The following GRID1 variants were observed in gnomAD, a reference collection of about 807,000 sequenced individuals.
GRID1 encodes the protein glutamate receptor ionotropic, delta-1.
A neutral mutation model predicts 98.0 loss-of-function variants in GRID1; 28 were observed. That is an observed-to-expected ratio of 0.29 (90% CI 0.21 to 0.39). The LOEUF (loss-of-function observed/expected upper bound fraction) is 0.39. Ranked by LOEUF, GRID1 falls within the 10% of genes least tolerant of loss-of-function variation. GRID1 has a pLI of 1.00. For missense variants in GRID1, 1,111 were observed against 1,340.5 expected (o/e 0.83, Z 2.67); for synonymous variants, 553 against 538.5 (o/e 1.03, Z -0.37).
intron 4 of GRID1, among the ~76,000 whole-genome samples, chr10:85,961,213 G>T (rs1842262224): frequency 6.6e-6 from 1 of 152,120 alleles, no homozygotes; most frequent in Non-Finnish European, 1.5e-5. Flanking sequence ...ACACTAAATT[G>T]CTCCCCAAAC....
chr10:85,784,470 A>G (rs961361816), intron 8 of GRID1, among the ~76,000 whole-genome samples: 1 of 152,172 alleles, frequency 6.6e-6, no homozygotes, highest in Non-Finnish European at 1.5e-5. Flanking sequence ...GTCCACCGCC[A>G]TGGCTAATGT....
intron 12 of GRID1, chr10:85,650,349 C>G (rs144693662): frequency 6.6e-6 from 1 of 152,386 alleles, no homozygotes; most frequent in African/African-American, 2.4e-5. Flanking sequence ...GTCTCTTCAG[C>G]AACAACTGCT....
rs1448333110 is a variant in GRID1 at position 85,613,612 on chromosome 10, A to G, written c.2396T>C (p.Val799Ala). The change falls in exon 15 of 16, where the codon GTG becomes GCG. Residue 799 changes from valine (V) to alanine (A), a missense_variant. Coordinates refer to ENST00000327946, the MANE Select transcript of GRID1 (RefSeq NM_017551.3). ...GTGCGGCCACCACTTCTGCTTCAGCACATCCAGGTCCCCTGTGTCCTGCAG... is the reference window on the plus strand; with the variant it reads ...GTGCGGCCACCACTTCTGCTTCAGCGCATCCAGGTCCCCTGTGTCCTGCAG... Reference protein sequence around the residue: ...LELQDTGDLDVLKQKWWPHMG... With the variant: ...LELQDTGDLDALKQKWWPHMG... 6.2e-7 allele frequency: 1 copy of G among 1,614,160 alleles called. No individual in the cohort carries two copies. The highest frequency in any genetic ancestry group is 8.5e-7 in the Non-Finnish European group (1 of 1,180,026).
At chr10:86,081,963 C>T (rs895533258) in intron 4 of GRID1, among the ~76,000 whole-genome samples, 9 of 152,172 alleles carry the variant, frequency 5.9e-5, no homozygotes, top group African/African-American at 2.2e-4. Context: ...ACATTTACAG[C>T]ACCAAAGAGT....
chr10:85,645,299 T>A (rs1357508263), intron 13 of GRID1, among the ~76,000 whole-genome samples: 1 of 152,210 alleles, frequency 6.6e-6, no homozygotes, highest in Non-Finnish European at 1.5e-5. Flanking sequence ...AGGCCTCACA[T>A]GCACAAAAGG....
chr10:85,851,497 G>A (rs996298235), intron 8 of GRID1, among the ~76,000 whole-genome samples: 1 of 152,112 alleles, frequency 6.6e-6, no homozygotes, highest in Non-Finnish European at 1.5e-5. Context: ...TCCAATGAAG[G>A]GGCTGAGTAA....
intron 2 of GRID1, among the ~76,000 whole-genome samples, chr10:86,360,336 T>C (rs1848584625): frequency 6.6e-6 from 1 of 152,142 alleles, no homozygotes; most frequent in African/African-American, 2.4e-5. Context: ...AATACAGTGG[T>C]GGGGGGAAGA....
At chr10:85,984,986 G>A (rs968406538) in intron 4 of GRID1, among the ~76,000 whole-genome samples, 1 of 152,162 alleles carries the variant, frequency 6.6e-6, no homozygotes, top group Non-Finnish European at 1.5e-5. Context: ...ATTTTGGGCT[G>A]AATAATACCT....
chr10:85,775,180 T>C (rs1842317249), intron 8 of GRID1, among the ~76,000 whole-genome samples: 1 of 152,096 alleles, frequency 6.6e-6, no homozygotes, highest in Non-Finnish European at 1.5e-5. Context: ...TTTGTAGGGA[T>C]ATGGATGAAA....
rs78779937 is a variant in GRID1, at chr10:85,971,689, A to G, written c.727-55450T>C. Among the ~76,000 whole-genome samples, 228 of 152,220 alleles carry G rather than the reference A, an allele frequency of 1.5e-3. 1 individual carries two copies. Among genetic ancestry groups the G allele is most frequent in the African/African-American group, 5.1e-3 (211 of 41,572 alleles). On this transcript the variant is annotated intron_variant, in intron 4 of 15. Transcript: ENST00000327946. ...ATAGCTGAAATTAAAAAGACTACCA[A>G]CACTAAGTGTTGTTGAGAATGTAGA...
intron 12 of GRID1, among the ~76,000 whole-genome samples, chr10:85,670,305 T>C (rs1841069900): frequency 6.6e-6 from 1 of 152,108 alleles, no homozygotes; most frequent in African/African-American, 2.4e-5. Context: ...CAAAATGCTC[T>C]GAAATGGGCA....
At chr10:85,818,102 C>A (rs1842732228) in intron 8 of GRID1, among the ~76,000 whole-genome samples, 1 of 152,088 alleles carries the variant, frequency 6.6e-6, no homozygotes, top group Admixed American at 6.6e-5. Flanking sequence ...TCTGATACTC[C>A]ATGTATCCAA....
At chr10:86,042,727 C>T (rs1843364326) in intron 4 of GRID1, among the ~76,000 whole-genome samples, 1 of 152,132 alleles carries the variant, frequency 6.6e-6, no homozygotes, top group African/African-American at 2.4e-5. Flanking sequence ...TCATCTTTAC[C>T]TCTAAACATC....
rs1367120855 is a variant in GRID1 at position 85,639,163 on chromosome 10, A to G, written c.2193+8039T>C. On this transcript the variant is annotated intron_variant, in intron 13 of 15. Coordinates refer to ENST00000327946, the MANE Select transcript of GRID1 (RefSeq NM_017551.3). ...TTATGGTAGCCCTGAATTGGCAACA[A>G]CTACAATATATGTTAATTGGAGAAT... is the stretch of plus-strand genomic sequence containing the variant. Among the ~76,000 whole-genome samples, 5 of 152,240 alleles carry G rather than the reference A, an allele frequency of 3.3e-5. No individual in the cohort carries two copies. In the East Asian group the frequency reaches 9.6e-4, roughly 29 times the overall value.
rs1161155771 is a variant in GRID1 at position 86,077,435 on chromosome 10, C to CT, written c.726+61383dup. Among the ~76,000 whole-genome samples, 3 of 152,282 alleles carry CT rather than the reference C, an allele frequency of 2.0e-5. No homozygotes were observed. In the East Asian group the frequency reaches 5.8e-4, roughly 29 times the overall value. ...ACCCTGCAGTCTGCAGCAACCACACCTTTGCACACCCCATTATTCCAACCT... is the reference window on the plus strand; with the variant it reads ...ACCCTGCAGTCTGCAGCAACCACACCTTTTGCACACCCCATTATTCCAACCT... On this transcript the variant is annotated intron_variant, in intron 4 of 15. Transcript: ENST00000327946.
chr10:85,652,418 G>T (rs974868309), intron 12 of GRID1, among the ~76,000 whole-genome samples: 7 of 152,178 alleles, frequency 4.6e-5, no homozygotes, highest in Non-Finnish European at 1.0e-4. Flanking sequence ...TTTCAACAAC[G>T]GTGGGGATGT....
chr10:86,005,212 T>A (rs1286999740), intron 4 of GRID1, among the ~76,000 whole-genome samples: 1 of 152,136 alleles, frequency 6.6e-6, no homozygotes, highest in Non-Finnish European at 1.5e-5. Context: ...CAGAAGACTC[T>A]ATGATTGACC....
chr10:86,105,064 T>G (rs1246413528), intron 4 of GRID1, among the ~76,000 whole-genome samples: 1 of 152,188 alleles, frequency 6.6e-6, no homozygotes, highest in African/African-American at 2.4e-5. Context: ...CACACAAGTT[T>G]GGGATTTTTA....
At chr10:85,913,120 T>C (rs981384240) in intron 5 of GRID1, among the ~76,000 whole-genome samples, 1 of 152,162 alleles carries the variant, frequency 6.6e-6, no homozygotes, top group Non-Finnish European at 1.5e-5. Context: ...CCCTACCTTC[T>C]GATAGAAGAC....
Sources: gnomAD v4.1 joint callset for allele counts (sites outside exome capture counted in the v4.1 genomes callset) on GRCh38, gnomAD v4.1.1 for gene constraint, MANE v1.5 for transcripts, NCBI Gene and HGNC (gene_info 2026-07-23, HGNC 2026-07-21) for gene names.